The following DPP8 variants were observed in gnomAD, a reference collection of about 807,000 sequenced individuals.
DPP8 encodes the protein DPP VIII.
DPP8 carries 31 observed loss-of-function variants against 107.5 expected under a neutral mutation model. The ratio of observed to expected loss-of-function variants is 0.29; its 90% CI spans 0.22 to 0.39. The LOEUF is 0.39. DPP8 is among the 10% of genes least tolerant of loss of function. DPP8 has a pLI of 1.00. For missense variants in DPP8, 842 were observed against 1,076.1 expected, an observed-to-expected ratio of 0.78 and a Z score of 3.04; for synonymous variants, 381 against 356.6, an observed-to-expected ratio of 1.07 and a Z score of -0.77.
At chr15:65,452,205 C>T (rs1217923146) in intron 17 of DPP8, 103 bp from the exon 18 acceptor site, 2 of 1,364,704 alleles carry the variant, frequency 1.5e-6, no homozygotes, top group Non-Finnish European at 2.0e-6. Flanking sequence ...TATCCTTAAG[C>T]TTTAGCCTTA....
chr15:65,503,867 C>T (rs1408620101), intron 3 of DPP8, among the ~76,000 whole-genome samples: 1 of 151,980 alleles, frequency 6.6e-6, no homozygotes, highest in East Asian at 1.9e-4. Context: ...TCAAGTGATC[C>T]ACCCGCCTCA....
intron 12 of DPP8, among the ~76,000 whole-genome samples, chr15:65,467,590 C>A (rs1330184247): frequency 1.3e-5 from 2 of 152,118 alleles, no homozygotes; most frequent in African/African-American, 4.8e-5. Context: ...GTTGCCCAAG[C>A]TGGTCTTAAA....
chr15:65,448,503 T>G (rs1327679511), intron 19 of DPP8, among the ~76,000 whole-genome samples: 1 of 131,974 alleles, frequency 7.6e-6, no homozygotes, highest in African/African-American at 3.0e-5. Flanking sequence ...AAACCCCGTC[T>G]GTACTAAAAA....
At chr15:65,455,999 A>G (rs1395362859) in intron 16 of DPP8, among the ~76,000 whole-genome samples, 1 of 152,174 alleles carries the variant, frequency 6.6e-6, no homozygotes, top group Non-Finnish European at 1.5e-5. Flanking sequence ...CAAAACAGAG[A>G]GGATATTTCT....
In DPP8 at chr15:65,444,836, A is replaced by G. The variant is rs1454931353; in HGVS notation, c.*2048T>C. On this transcript the variant is annotated 3_prime_UTR_variant, in exon 20 of 20. Transcript: ENST00000300141. ...TTAAAAGCTACTGTATACCATTTCT[A>G]CTTTGCATATATTATAAGGATAGAT... 1 of 152,180 alleles carries G rather than the reference A, an allele frequency of 6.6e-6. No individual in the cohort carries two copies. Among genetic ancestry groups the G allele is most frequent in the Non-Finnish European group, 1.5e-5 (1 of 68,042 alleles). 9.4% of individuals were successfully genotyped at this position (152,180 alleles called of 1,614,324 possible).
Position 65,498,014 on chromosome 15 carries a change from T to G in DPP8, c.565A>C (p.Asn189His), listed in dbSNP as rs1248128967. ...TTGGGACAACTAGTTTCCACTAGAT[T>G]GGGCCTTAAAGGTTGTTGCTAGAAA... The part of the protein sequence containing the change: ...QGFTQQPLRP[N>H]LVETSCPNIR... Residue 189 changes from asparagine to histidine, a missense_variant, in exon 5 of 20, where the codon AAT becomes CAT. Transcript: ENST00000300141. 3.1e-6 allele frequency: 5 copies of G among 1,602,636 alleles called. No individual in the cohort carries two copies. The African/African-American group carries it at 6.7e-5, about 21-fold the overall frequency.
chr15:65,466,836 T>G lies in DPP8; in HGVS notation c.1690-23A>C, dbSNP rs200613612. 8 of 1,603,196 alleles carry G rather than the reference T, an allele frequency of 5.0e-6. No homozygotes were observed. In the African/African-American group the frequency reaches 1.1e-4, roughly 22 times the overall value. On this transcript the variant is annotated intron_variant, in intron 13 of 19. Coordinates refer to ENST00000300141, the MANE Select transcript of DPP8 (RefSeq NM_130434.5). ...GTGCTAGAGAAAGGAGAAACAATTA[T>G]ATTTTTCGTCAGGAAGGTAGAAAAG...
At position 65,446,963 on chromosome 15, in the gene DPP8, C is replaced by T; in HGVS notation, c.2570G>A (p.Gly857Glu). Residue 857 changes from glycine to glutamate, a missense_variant, in exon 20 of 20, where the codon GGA becomes GAA. Gly to Glu is a moderately conservative substitution (Grantham distance 98). Transcript: ENST00000300141. ...ERHSIRVPES[G>E]EHYELHLLHY... The stretch of plus-strand genomic sequence containing the variant: ...CAAAAGATGCAGTTCATAATGTTCT[C>T]CCGATTCAGGAACTCTTATGCTGTG... 6.2e-7 allele frequency: 1 copy of T among 1,612,278 alleles called. No homozygotes were observed. Among genetic ancestry groups the T allele is most frequent in the Non-Finnish European group, 8.5e-7 (1 of 1,178,928 alleles).
intron 15 of DPP8, among the ~76,000 whole-genome samples, chr15:65,457,424 G>C (rs934600881): frequency 2.0e-5 from 3 of 151,876 alleles, no homozygotes; most frequent in African/African-American, 7.3e-5. Context: ...GAGTGCAGTG[G>C]TACAATCATA....
intron 11 of DPP8, among the ~76,000 whole-genome samples, chr15:65,475,997 C>G (rs2066352869): frequency 1.3e-5 from 2 of 152,232 alleles, no homozygotes; most frequent in African/African-American, 4.8e-5. Flanking sequence ...AACAATCTGC[C>G]TGCCTCAGCC....
chr15:65,479,458 G>C (rs2066698986), intron 10 of DPP8, among the ~76,000 whole-genome samples: 1 of 152,098 alleles, frequency 6.6e-6, no homozygotes, highest in South Asian at 2.1e-4. Context: ...ATCATATGAA[G>C]CTTATATTCA....
intron 15 of DPP8, among the ~76,000 whole-genome samples, chr15:65,457,176 G>A (rs1040409479): frequency 3.5e-4 from 54 of 152,186 alleles, no homozygotes; most frequent in Middle Eastern, 3.4e-3. Flanking sequence ...CCAACATGGC[G>A]AAACCCCGTC....
At chr15:65,456,186 T>G in intron 16 of DPP8, 39 bp downstream of exon 16, 1 of 1,594,022 alleles carries the variant, frequency 6.3e-7, no homozygotes. Context: ...CCAGAAAATG[T>G]AAATGTCTGT....
At chr15:65,500,537 C>T (rs942656805) in intron 4 of DPP8, 69 bp downstream of exon 4, 3 of 1,269,750 alleles carry the variant, frequency 2.4e-6, no homozygotes, top group Non-Finnish European at 3.3e-6. Context: ...TATTAATTAC[C>T]TTTCTGCTTT....
chr15:65,513,264 A>T (rs1394178134), intron 1 of DPP8, among the ~76,000 whole-genome samples: 1 of 151,056 alleles, frequency 6.6e-6, no homozygotes, highest in East Asian at 1.9e-4. Context: ...CCCAGACTGG[A>T]GTGCGGTGGC....
chr15:65,484,004 T>A (rs2067173139), intron 8 of DPP8, among the ~76,000 whole-genome samples: 1 of 152,102 alleles, frequency 6.6e-6, no homozygotes. Flanking sequence ...ATGTCCAGAA[T>A]AGGCAAATTT....
intron 15 of DPP8, among the ~76,000 whole-genome samples, chr15:65,462,110 A>T (rs1223134964): frequency 6.6e-6 from 1 of 151,908 alleles, no homozygotes; most frequent in Non-Finnish European, 1.5e-5. Context: ...CTGGGATTAC[A>T]GGTGTCTGCC....
At chr15:65,459,997 T>A (rs551162557) in intron 15 of DPP8, among the ~76,000 whole-genome samples, 43 of 152,248 alleles carry the variant, frequency 2.8e-4, no homozygotes, top group African/African-American at 8.4e-4. Context: ...TAACATTTTT[T>A]AAATTATGGT....
At chr15:65,461,881 G>C (rs1318919297) in intron 15 of DPP8, among the ~76,000 whole-genome samples, 1 of 151,604 alleles carries the variant, frequency 6.6e-6, no homozygotes, top group Non-Finnish European at 1.5e-5. Context: ...TTACAGGCTT[G>C]AGCCATCGCG....
Sources: allele counts gnomAD v4.1 joint callset (sites outside exome capture counted in the v4.1 genomes callset), GRCh38; gene constraint gnomAD v4.1.1; transcripts MANE v1.5; gene names NCBI Gene and HGNC (gene_info 2026-07-23, HGNC 2026-07-21).